The following UCK2 variants were observed in gnomAD, a reference collection of about 807,000 sequenced individuals.
UCK2 encodes uridine-cytidine kinase 2, also known as cytidine monophosphokinase 2.
A neutral mutation model predicts 30.8 loss-of-function variants in UCK2; 6 were observed. That is an observed-to-expected ratio of 0.19 (90% CI 0.11 to 0.38). UCK2 has a LOEUF of 0.38. Among genes scored for constraint, UCK2 ranks in the 10% least tolerant of loss-of-function variants. The pLI is 1.00. For missense variants in UCK2, 210 were observed against 339.8 expected, an observed-to-expected ratio of 0.62 and a Z score of 3.00; for synonymous variants, 125 against 133.6, an observed-to-expected ratio of 0.94 and a Z score of 0.45.
chr1:165,849,101 T>C (rs1052492504), intron 1 of UCK2, among the ~76,000 whole-genome samples: 5 of 151,962 alleles, frequency 3.3e-5, no homozygotes, highest in African/African-American at 1.2e-4. Flanking sequence ...AAAAATATAG[T>C]AGGGAAGAGC....
intron 1 of UCK2, among the ~76,000 whole-genome samples, chr1:165,862,213 C>T (rs1240962507): frequency 6.6e-6 from 1 of 152,198 alleles, no homozygotes; most frequent in East Asian, 1.9e-4. Flanking sequence ...ACCGTAGTCT[C>T]AGATGATAAA....
At chr1:165,861,746 A>G (rs1053716577) in intron 1 of UCK2, among the ~76,000 whole-genome samples, 4 of 151,716 alleles carry the variant, frequency 2.6e-5, no homozygotes, top group African/African-American at 9.7e-5. Context: ...CATTTTACAG[A>G]TGAAGGAACT....
intron 1 of UCK2, among the ~76,000 whole-genome samples, chr1:165,886,812 C>G (rs904711445): frequency 6.6e-6 from 1 of 152,116 alleles, no homozygotes; most frequent in African/African-American, 2.4e-5. Flanking sequence ...GGTAAAAATT[C>G]AAACCTACAC....
At chr1:165,841,929 A>G (rs1291073524) in intron 1 of UCK2, among the ~76,000 whole-genome samples, 4 of 152,194 alleles carry the variant, frequency 2.6e-5, no homozygotes, top group Non-Finnish European at 5.9e-5. Flanking sequence ...TGTTGAAAGT[A>G]TGCTAAATAC....
intron 1 of UCK2, among the ~76,000 whole-genome samples, chr1:165,859,656 C>T (rs1179680132): frequency 6.6e-6 from 1 of 151,970 alleles, no homozygotes; most frequent in Non-Finnish European, 1.5e-5. Flanking sequence ...ATTCTTGTCT[C>T]TACAAAAAAA....
intron 1 of UCK2, among the ~76,000 whole-genome samples, chr1:165,828,821 C>T (rs780923171): frequency 6.6e-6 from 1 of 152,104 alleles, no homozygotes; most frequent in East Asian, 1.9e-4. Context: ...CCAGATGGTT[C>T]TTTCTTTGCT....
chr1:165,874,753 G>A (rs941504889), intron 1 of UCK2, among the ~76,000 whole-genome samples: 5 of 152,280 alleles, frequency 3.3e-5, no homozygotes, highest in South Asian at 2.1e-4. Flanking sequence ...TAAAATGGAA[G>A]ATTTGTTTTA....
At chr1:165,881,433 T>C (rs145405808) in intron 1 of UCK2, among the ~76,000 whole-genome samples, 8 of 152,318 alleles carry the variant, frequency 5.3e-5, no homozygotes, top group South Asian at 2.1e-4. Flanking sequence ...GGTAGAAATG[T>C]TGATTCTTAC....
intron 1 of UCK2, among the ~76,000 whole-genome samples, chr1:165,873,886 T>C (rs1041238375): frequency 3.3e-5 from 5 of 152,198 alleles, no homozygotes; most frequent in African/African-American, 7.2e-5. Flanking sequence ...AGCCACTCAC[T>C]ACTCCTGAGC....
intron 1 of UCK2, among the ~76,000 whole-genome samples, chr1:165,837,924 C>T (rs1372654711): frequency 6.6e-6 from 1 of 152,202 alleles, no homozygotes; most frequent in African/African-American, 2.4e-5. Flanking sequence ...AGGCCTAAAA[C>T]CTCGGGGTTA....
In UCK2 at chr1:165,841,407, C is replaced by T. The variant is rs190233325; in HGVS notation, c.99+13475C>T. On this transcript the variant is annotated intron_variant, in intron 1 of 6. Transcript: ENST00000367879. Reference sequence around the variant, plus strand: ...CCATGTTGGCTAGGCTGTTCTCAAACTCCTGACCTCAGGTGATCCACCCCC... The same window carrying T: ...CCATGTTGGCTAGGCTGTTCTCAAATTCCTGACCTCAGGTGATCCACCCCC... Among the ~76,000 whole-genome samples the T allele has an allele frequency of 6.6e-3, 1,003 of 152,194 alleles. 16 individuals carry two copies. Among genetic ancestry groups the T allele is most frequent in the African/African-American group, 0.023 (947 of 41,482 alleles).
chr1:165,831,791 A>C (rs1300439890), intron 1 of UCK2, among the ~76,000 whole-genome samples: 1 of 152,086 alleles, frequency 6.6e-6, no homozygotes, highest in Non-Finnish European at 1.5e-5. Context: ...ATTGAGATGG[A>C]ATCTCACTCT....
intron 1 of UCK2, among the ~76,000 whole-genome samples, chr1:165,871,138 T>G (rs1214956929): frequency 6.6e-6 from 1 of 152,126 alleles, no homozygotes; most frequent in Non-Finnish European, 1.5e-5. Flanking sequence ...TAGTATGGTT[T>G]CTTTTTGTGT....
chr1:165,887,874 AT>A (rs1289962900), intron 1 of UCK2, among the ~76,000 whole-genome samples: 1 of 151,770 alleles, frequency 6.6e-6, no homozygotes, highest in Non-Finnish European at 1.5e-5. Flanking sequence ...GTTCTGTGAT[AT>A]TTTGGGGCAT....
intron 5 of UCK2, among the ~76,000 whole-genome samples, chr1:165,904,508 T>G (rs1647586049): frequency 6.6e-6 from 1 of 152,214 alleles, no homozygotes; most frequent in South Asian, 2.1e-4. Context: ...CAAAATGAAT[T>G]TATTATTGGA....
At chr1:165,836,397 TA>T (rs1217524837) in intron 1 of UCK2, among the ~76,000 whole-genome samples, 6 of 152,230 alleles carry the variant, frequency 3.9e-5, no homozygotes, top group African/African-American at 1.4e-4. Flanking sequence ...ATCTAAGCTT[TA>T]AGGAACCCTG....
chr1:165,864,482 G>C (rs1654996752), intron 1 of UCK2, among the ~76,000 whole-genome samples: 1 of 152,024 alleles, frequency 6.6e-6, no homozygotes, highest in Non-Finnish European at 1.5e-5. Flanking sequence ...CCTGATTATT[G>C]GGTATACAAA....
Position 165,828,021 on chromosome 1 carries a change from G to T in UCK2, c.99+89G>T, listed in dbSNP as rs996552665. The stretch of plus-strand genomic sequence containing the variant: ...GGCGGCCGCGGGCCGTGTCAGTTGC[G>T]GCAGCCACCGCGTGGCCCGCGCGCC... On this transcript the variant is annotated intron_variant, in intron 1 of 6. Transcript: ENST00000367879. 1.9e-5 allele frequency: 20 copies of T among 1,038,270 alleles called. No homozygotes were observed. The African/African-American group carries it at 2.7e-4, about 14-fold the overall frequency. The allele number at this position is 1,038,270 out of a possible 1,614,324, so 64.3% of individuals were successfully genotyped here. A position where few individuals can be genotyped will look rare whatever the true frequency, so the allele number is the denominator to read the frequency against.
intron 1 of UCK2, among the ~76,000 whole-genome samples, chr1:165,879,545 T>A (rs865911260): frequency 1.4e-5 from 2 of 146,836 alleles, no homozygotes; most frequent in African/African-American, 2.5e-5. Context: ...ATGTTTGCTT[T>A]TTATTATTAT....
Sources: allele counts gnomAD v4.1 joint callset (sites outside exome capture counted in the v4.1 genomes callset), GRCh38; gene constraint gnomAD v4.1.1; transcripts MANE v1.5; gene names NCBI Gene and HGNC (gene_info 2026-07-23, HGNC 2026-07-21).